SLC25A43: variants seen among roughly 807,000 people sequenced by gnomAD.
SLC25A43 encodes the protein solute carrier family 25, member 43.
A neutral mutation model predicts 22.8 loss-of-function variants in SLC25A43; 10 were observed. The observed-to-expected ratio is 0.44, with a 90% CI of 0.27 to 0.74. SLC25A43 has a LOEUF of 0.74. Ranked by LOEUF, SLC25A43 falls within the 30% of genes least tolerant of loss-of-function variation. The probability of loss-of-function intolerance (pLI) is 0.17; values close to 1 mark genes in which losing one functional copy is unlikely to be tolerated. For synonymous variants in SLC25A43, 106 were observed against 121.6 expected, an observed-to-expected ratio of 0.87 and a Z score of 0.84; for missense variants, 233 against 279.1, an observed-to-expected ratio of 0.83 and a Z score of 1.18.
chrX:119,449,294 AT>A, intron 3 of SLC25A43, among the ~76,000 whole-genome samples: 1 of 107,908 alleles, frequency 9.3e-6, no homozygotes, highest in Non-Finnish European at 1.9e-5. Flanking sequence ...TGCACCTGTA[AT>A]CCCAGCTACT....
chrX:119,427,924 A>G lies in SLC25A43; in HGVS notation c.690+17562A>G, dbSNP rs59606115. 2.6e-4 allele frequency among the ~76,000 whole-genome samples: 29 copies of G among 112,260 alleles called. No individual in the cohort carries two copies. In the East Asian group the frequency reaches 7.2e-3, roughly 28 times the overall value. On this transcript the variant is annotated intron_variant, in intron 3 of 4. Transcript: ENST00000217909. Reference sequence around the variant, plus strand: ...TATCTTTTGAGTGGGTAACACATACACATGATACAAAATCCAAAAGGTGCA... The same window carrying G: ...TATCTTTTGAGTGGGTAACACATACGCATGATACAAAATCCAAAAGGTGCA...
At chrX:119,425,290 G>A (rs2052493442) in intron 3 of SLC25A43, among the ~76,000 whole-genome samples, 2 of 112,044 alleles carry the variant, frequency 1.8e-5, no homozygotes, top group Admixed American at 9.5e-5. Flanking sequence ...GCAGGGCTGG[G>A]AGCAGAAGCA....
intron 1 of SLC25A43, among the ~76,000 whole-genome samples, chrX:119,402,712 G>T (rs774698884): frequency 1.1e-4 from 12 of 111,151 alleles, no homozygotes; most frequent in Non-Finnish European, 2.3e-4. Context: ...AAGCTTCTGT[G>T]CATGTATGTG....
At chrX:119,442,902 A>G (rs1310477737) in intron 3 of SLC25A43, among the ~76,000 whole-genome samples, 2 of 111,758 alleles carry the variant, frequency 1.8e-5, no homozygotes, top group Non-Finnish European at 3.8e-5. Context: ...CATTCAGCAA[A>G]CCATTCATTG....
chrX:119,450,521 T>C (rs1041554572), intron 3 of SLC25A43, among the ~76,000 whole-genome samples: 1 of 111,297 alleles, frequency 9.0e-6, no homozygotes, highest in African/African-American at 3.3e-5. Context: ...TAAAAGGCAG[T>C]GAATGCTCTG....
chrX:119,428,316 G>A (rs1603297536), intron 3 of SLC25A43, among the ~76,000 whole-genome samples: 1 of 111,314 alleles, frequency 9.0e-6, no homozygotes, highest in East Asian at 2.8e-4. Context: ...TTAGCTGAGC[G>A]TGGTGGTGGG....
At chrX:119,403,195 A>G (rs1359231909) in intron 1 of SLC25A43, among the ~76,000 whole-genome samples, 1 of 111,386 alleles carries the variant, frequency 9.0e-6, no homozygotes, top group Admixed American at 9.5e-5. Context: ...GGGGAATAAG[A>G]GTGGGACAAG....
chrX:119,433,525 C>T (rs765957021), intron 3 of SLC25A43, among the ~76,000 whole-genome samples: 116 of 111,931 alleles, frequency 1.0e-3, no homozygotes, highest in African/African-American at 3.7e-3. Context: ...CTAGGAAAAC[C>T]GGTAGGGGCC....
chrX:119,402,882 C>T (rs1462423858), intron 1 of SLC25A43, among the ~76,000 whole-genome samples: 1 of 111,526 alleles, frequency 9.0e-6, no homozygotes, highest in Non-Finnish European at 1.9e-5. Flanking sequence ...ATCTCTGTAT[C>T]AGATGGGAGA....
chrX:119,416,874 C>CA (rs1268026364), intron 3 of SLC25A43, among the ~76,000 whole-genome samples: 2 of 111,901 alleles, frequency 1.8e-5, no homozygotes, highest in African/African-American at 3.2e-5. Flanking sequence ...TCTAAACAAA[C>CA]AAAAAAATAG....
Position 119,410,201 on chromosome X carries a change from T to C in SLC25A43, c.529T>C (p.Phe177Leu). 8.3e-7 allele frequency: 1 copy of C among 1,210,756 alleles called. No homozygotes were observed. The highest frequency in any genetic ancestry group is 1.1e-6 in the Non-Finnish European group (1 of 895,214). ...VSLTVVGALP[F>L]SAGSLLVYMN... Reference sequence around the variant, plus strand: ...GCCTTGTTTTGCAGGTGCTCTCCCGTTCTCTGCTGGCTCCCTTCTTGTTTA... The same window carrying C: ...GCCTTGTTTTGCAGGTGCTCTCCCGCTCTCTGCTGGCTCCCTTCTTGTTTA... Residue 177 changes from phenylalanine (F) to leucine (L), a missense_variant, in exon 3 of 5, where the codon TTC becomes CTC. Physicochemically the swap from Phe to Leu is conservative, Grantham distance 22. Transcript: ENST00000217909.
intron 1 of SLC25A43, among the ~76,000 whole-genome samples, chrX:119,404,678 G>T (rs1212064612): frequency 8.9e-6 from 1 of 111,911 alleles, no homozygotes; most frequent in African/African-American, 3.2e-5. Flanking sequence ...AGGCCTGTCT[G>T]TTCAGACTTT....
intron 1 of SLC25A43, among the ~76,000 whole-genome samples, chrX:119,402,607 T>C (rs2052248694): frequency 8.9e-6 from 1 of 111,806 alleles, no homozygotes; most frequent in South Asian, 3.8e-4. Flanking sequence ...GTATTGGCAG[T>C]TATAATTACA....
intron 2 of SLC25A43, among the ~76,000 whole-genome samples, chrX:119,407,922 G>A (rs1295502695): frequency 1.8e-5 from 2 of 110,601 alleles, no homozygotes; most frequent in Admixed American, 1.9e-4. Flanking sequence ...CTTTCCCACA[G>A]GTCCTTACAA....
intron 3 of SLC25A43, among the ~76,000 whole-genome samples, chrX:119,419,413 C>T (rs1000127506): frequency 9.0e-6 from 1 of 111,481 alleles, no homozygotes; most frequent in Non-Finnish European, 1.9e-5. Flanking sequence ...AGGTGGTATC[C>T]GAGTGGTACA....
chrX:119,405,440 G>A (rs1294738849), intron 1 of SLC25A43, among the ~76,000 whole-genome samples: 1 of 109,415 alleles, frequency 9.1e-6, no homozygotes, highest in Non-Finnish European at 1.9e-5. Flanking sequence ...AGGTTTGAAG[G>A]CTAAGGAACT....
At chrX:119,441,442 G>T (rs1412313272) in intron 3 of SLC25A43, among the ~76,000 whole-genome samples, 1 of 107,845 alleles carries the variant, frequency 9.3e-6, no homozygotes, top group East Asian at 3.0e-4. Flanking sequence ...CGTCGCTCAC[G>T]CTGGGAGCTG....
chrX:119,410,578 T>C (rs1009272738), intron 3 of SLC25A43, among the ~76,000 whole-genome samples: 2 of 111,945 alleles, frequency 1.8e-5, no homozygotes, highest in African/African-American at 6.5e-5. Context: ...TCCCATCCTC[T>C]GTTTTTTGGT....
chrX:119,422,837 C>T (rs1280406074), intron 3 of SLC25A43: 2 of 112,368 alleles, frequency 1.8e-5, no homozygotes, highest in African/African-American at 3.2e-5. Flanking sequence ...CAGCCGTTAA[C>T]GTTTCAGGAT....
Sources: allele counts gnomAD v4.1 joint callset (sites outside exome capture counted in the v4.1 genomes callset), GRCh38; gene constraint gnomAD v4.1.1; transcripts MANE v1.5; gene names NCBI Gene and HGNC (gene_info 2026-07-23, HGNC 2026-07-21).